The following PHF21B variants were observed in gnomAD, a reference collection of about 807,000 sequenced individuals.
The protein encoded by PHF21B is PHD finger protein 4.
A neutral mutation model predicts 62.2 loss-of-function variants in PHF21B; 22 were observed. That is an observed-to-expected ratio of 0.35 (90% CI 0.25 to 0.51). The LOEUF (loss-of-function observed/expected upper bound fraction) is 0.51, where lower values mean the gene tolerates loss of function less well. Among genes scored for constraint, PHF21B ranks in the 20% least tolerant of loss-of-function variants. The probability of loss-of-function intolerance (pLI) is 0.97; values close to 1 mark genes in which losing one functional copy is unlikely to be tolerated. For synonymous variants in PHF21B, 341 were observed against 314.7 expected, an observed-to-expected ratio of 1.08 and a Z score of -0.88; for missense variants, 701 against 707.9, an observed-to-expected ratio of 0.99 and a Z score of 0.11.
intron 2 of PHF21B, among the ~76,000 whole-genome samples, chr22:44,961,533 C>G (rs958275431): frequency 6.6e-6 from 1 of 152,088 alleles, no homozygotes; most frequent in African/African-American, 2.4e-5. Flanking sequence ...TGTTCCTGCT[C>G]TATTTGCTTA....
At chr22:44,972,769 C>T (rs1220041505) in intron 2 of PHF21B, among the ~76,000 whole-genome samples, 2 of 152,230 alleles carry the variant, frequency 1.3e-5, no homozygotes, top group Non-Finnish European at 2.9e-5. Context: ...GATTCTGCCC[C>T]TCTCCCTGTC....
chr22:44,892,780 C>G (rs2070989076), intron 7 of PHF21B, among the ~76,000 whole-genome samples: 1 of 152,164 alleles, frequency 6.6e-6, no homozygotes, highest in Admixed American at 6.5e-5. Context: ...GGATTTTAAC[C>G]TAAGAATTTT....
intron 2 of PHF21B, among the ~76,000 whole-genome samples, chr22:44,959,292 C>G (rs770684693): frequency 7.2e-5 from 11 of 152,190 alleles, no homozygotes; most frequent in Admixed American, 2.0e-4. Context: ...TGCCCCGACC[C>G]ATCTTCTCAT....
At chr22:44,969,670 A>G (rs2072599387) in intron 2 of PHF21B, among the ~76,000 whole-genome samples, 1 of 150,396 alleles carries the variant, frequency 6.6e-6, no homozygotes, top group Admixed American at 6.6e-5. Flanking sequence ...AGTCTCAAAA[A>G]AAAAGAAAAA....
intron 3 of PHF21B, among the ~76,000 whole-genome samples, 176 bp from the exon 4 acceptor site, chr22:44,916,806 C>G (rs2071444119): frequency 6.6e-6 from 1 of 152,224 alleles, no homozygotes; most frequent in Non-Finnish European, 1.5e-5. Flanking sequence ...CCTCCCTCCT[C>G]CTGGGCTTGC....
intron 5 of PHF21B, among the ~76,000 whole-genome samples, chr22:44,906,133 G>T (rs115698210): frequency 6.6e-6 from 1 of 152,140 alleles, no homozygotes; most frequent in African/African-American, 2.4e-5. Flanking sequence ...CCTGGCTGCC[G>T]TGTTTTAGGG....
At chr22:44,905,192 G>A (rs1377737643) in intron 5 of PHF21B, among the ~76,000 whole-genome samples, 7 of 152,170 alleles carry the variant, frequency 4.6e-5, no homozygotes, top group Non-Finnish European at 7.3e-5. Context: ...AGGTGAAAGC[G>A]AGGTTTCCCC....
rs572291791 is a variant in PHF21B at position 44,893,708 on chromosome 22, C to G, written c.884-175G>C. ...GGTTAGGGCCTCCAGGAATCACTGA[C>G]TCCATGGCAGGACAGCTCTGGTGGC... On this transcript the variant is annotated intron_variant, in intron 6 of 12. Coordinates refer to ENST00000313237, the MANE Select transcript of PHF21B (RefSeq NM_138415.5). 3.3e-5 allele frequency among the ~76,000 whole-genome samples: 5 copies of G among 152,372 alleles called. No individual in the cohort carries two copies. The East Asian group carries it at 5.8e-4, about 18-fold the overall frequency.
At chr22:44,942,460 T>C (rs1351944188) in intron 2 of PHF21B, among the ~76,000 whole-genome samples, 4 of 152,110 alleles carry the variant, frequency 2.6e-5, no homozygotes, top group Non-Finnish European at 5.9e-5. Context: ...TCCCCCCAGC[T>C]CTGTGGAAAG....
intron 2 of PHF21B, among the ~76,000 whole-genome samples, chr22:44,944,967 G>A (rs899885718): frequency 1.6e-4 from 18 of 112,666 alleles, no homozygotes; most frequent in Non-Finnish European, 2.6e-4. Flanking sequence ...CTGTGAATTA[G>A]AGCGATCCTT....
At chr22:44,896,009 C>T in intron 6 of PHF21B, 23 bp downstream of exon 6, 1 of 1,614,172 alleles carries the variant, frequency 6.2e-7, no homozygotes, top group Non-Finnish European at 8.5e-7. Flanking sequence ...GCCCAACCTG[C>T]TGCTACCTGG....
chr22:44,950,177 T>G (rs534263481), intron 2 of PHF21B, among the ~76,000 whole-genome samples: 1 of 152,216 alleles, frequency 6.6e-6, no homozygotes, highest in Non-Finnish European at 1.5e-5. Flanking sequence ...GAAGCACACA[T>G]AACACATCCT....
intron 2 of PHF21B, among the ~76,000 whole-genome samples, chr22:44,928,591 G>A (rs927499210): frequency 6.6e-6 from 1 of 152,238 alleles, no homozygotes; most frequent in African/African-American, 2.4e-5. Flanking sequence ...TATATTTTTA[G>A]TAGAGACAGT....
At chr22:44,926,279 C>T (rs73178256) in intron 2 of PHF21B, among the ~76,000 whole-genome samples, 5,722 of 152,356 alleles carry the variant, frequency 0.038, 140 homozygotes, top group Non-Finnish European at 0.056. Flanking sequence ...TGGCATGTCC[C>T]CGCGGTGGAT....
chr22:44,895,663 T>G (rs1484836705), intron 6 of PHF21B, among the ~76,000 whole-genome samples: 1 of 152,172 alleles, frequency 6.6e-6, no homozygotes, highest in Admixed American at 6.5e-5. Flanking sequence ...GTCTGCCTCT[T>G]GTCATTTCCC....
chr22:44,929,924 A>T (rs552684914), intron 2 of PHF21B, among the ~76,000 whole-genome samples: 1 of 152,318 alleles, frequency 6.6e-6, no homozygotes, highest in East Asian at 1.9e-4. Flanking sequence ...CCAGGCCTGC[A>T]GTTCCAGGAA....
intron 2 of PHF21B, among the ~76,000 whole-genome samples, chr22:44,956,951 C>A (rs1195078740): frequency 6.6e-6 from 1 of 152,252 alleles, no homozygotes; most frequent in Non-Finnish European, 1.5e-5. Context: ...CACTCACCAA[C>A]CACAGGGAAA....
At chr22:44,923,698 A>G (rs2071578291) in intron 2 of PHF21B, among the ~76,000 whole-genome samples, 1 of 152,162 alleles carries the variant, frequency 6.6e-6, no homozygotes, top group Non-Finnish European at 1.5e-5. Context: ...AAATGAACAC[A>G]ATATTTGAAC....
intron 2 of PHF21B, among the ~76,000 whole-genome samples, chr22:44,964,059 G>A (rs753512684): frequency 2.0e-5 from 3 of 152,194 alleles, no homozygotes; most frequent in Middle Eastern, 6.3e-3. Flanking sequence ...TGGAAGCCTC[G>A]GCTTCCTTCT....
Sources: gnomAD v4.1 joint callset for allele counts (sites outside exome capture counted in the v4.1 genomes callset) on GRCh38, gnomAD v4.1.1 for gene constraint, MANE v1.5 for transcripts, NCBI Gene and HGNC (gene_info 2026-07-23, HGNC 2026-07-21) for gene names.